EPB41L4A: variants seen among roughly 807,000 people sequenced by gnomAD.
The protein encoded by EPB41L4A is band 4.1-like protein 4A.
Under a neutral mutation model 108.6 loss-of-function variants are expected in EPB41L4A, and 100 were observed. The observed-to-expected ratio is 0.92, with a 90% CI of 0.78 to 1.09. EPB41L4A has a LOEUF of 1.09. Ranked by LOEUF, EPB41L4A falls within the 50% of genes least tolerant of loss-of-function variation. The pLI, the probability that EPB41L4A is intolerant of heterozygous loss-of-function variation, is 0.00. For synonymous variants in EPB41L4A, 319 were observed against 289.0 expected (o/e 1.10, Z -1.05); for missense variants, 1,030 against 842.7 (o/e 1.22, Z -2.75).
At chr5:112,218,140 A>G (rs575089547) in intron 12 of EPB41L4A, among the ~76,000 whole-genome samples, 219 of 152,332 alleles carry the variant, frequency 1.4e-3, no homozygotes, top group Admixed American at 2.4e-3. Flanking sequence ...AAAACAAGAA[A>G]GGGATTTGTG....
intron 12 of EPB41L4A, among the ~76,000 whole-genome samples, chr5:112,217,033 C>T (rs1334219083): frequency 1.3e-5 from 2 of 151,790 alleles, no homozygotes; most frequent in Non-Finnish European, 2.9e-5. Context: ...CAACCACAGT[C>T]TCCCAGGTTC....
At chr5:112,351,479 T>C (rs948518712) in intron 1 of EPB41L4A, among the ~76,000 whole-genome samples, 8 of 152,072 alleles carry the variant, frequency 5.3e-5, no homozygotes, top group African/African-American at 1.9e-4. Flanking sequence ...AAATAAAAAA[T>C]CTTCCAACAA....
chr5:112,311,706 T>C (rs1755063063), intron 1 of EPB41L4A, among the ~76,000 whole-genome samples: 1 of 152,218 alleles, frequency 6.6e-6, no homozygotes, highest in African/African-American at 2.4e-5. Context: ...AGTGAGACTC[T>C]GTCTCTTTGA....
At chr5:112,216,473 G>A (rs1747652316) in intron 12 of EPB41L4A, among the ~76,000 whole-genome samples, 1 of 152,084 alleles carries the variant, frequency 6.6e-6, no homozygotes, top group Non-Finnish European at 1.5e-5. Flanking sequence ...CTGATATGTG[G>A]GGAAAATAAC....
chr5:112,230,197 G>A (rs931267181), intron 12 of EPB41L4A, among the ~76,000 whole-genome samples: 1 of 152,082 alleles, frequency 6.6e-6, no homozygotes, highest in Non-Finnish European at 1.5e-5. Context: ...AATATCGTGT[G>A]CAAGTGTCTT....
intron 1 of EPB41L4A, among the ~76,000 whole-genome samples, chr5:112,366,732 G>C (rs940023509): frequency 6.6e-6 from 1 of 152,126 alleles, no homozygotes; most frequent in East Asian, 1.9e-4. Flanking sequence ...AGAGCAGCAT[G>C]GGTTAGGATG....
intron 2 of EPB41L4A, among the ~76,000 whole-genome samples, chr5:112,288,883 A>G (rs1753461549): frequency 6.6e-6 from 1 of 151,360 alleles, no homozygotes; most frequent in Non-Finnish European, 1.5e-5. Context: ...GCTGGAGTGC[A>G]GTGGCGCAAT....
intron 9 of EPB41L4A, 104 bp from the exon 10 acceptor site, chr5:112,240,914 T>C (rs890619476): frequency 2.7e-5 from 17 of 630,330 alleles, no homozygotes; most frequent in Non-Finnish European, 4.4e-5. Context: ...AGCAGAGAGA[T>C]TATTGATAAT....
At chr5:112,391,178 T>G (rs1328207966) in intron 1 of EPB41L4A, among the ~76,000 whole-genome samples, 1 of 152,194 alleles carries the variant, frequency 6.6e-6, no homozygotes, top group Non-Finnish European at 1.5e-5. Flanking sequence ...TCCAAAGGAC[T>G]GCAGCTCCTC....
At chr5:112,395,859 T>A (rs964391557) in intron 1 of EPB41L4A, among the ~76,000 whole-genome samples, 1 of 152,162 alleles carries the variant, frequency 6.6e-6, no homozygotes, top group Non-Finnish European at 1.5e-5. Context: ...TGTCCATCAA[T>A]GATAGACTGG....
chr5:112,184,158 G>A (rs1377958284), intron 17 of EPB41L4A, 23 bp from the exon 18 acceptor site: 1 of 1,613,084 alleles, frequency 6.2e-7, no homozygotes, highest in African/African-American at 1.3e-5. Flanking sequence ...CCATGCATCT[G>A]AAGTTAACAT....
intron 1 of EPB41L4A, among the ~76,000 whole-genome samples, chr5:112,395,224 C>G (rs1481605209): frequency 1.3e-5 from 2 of 152,142 alleles, no homozygotes; most frequent in Non-Finnish European, 2.9e-5. Flanking sequence ...GCAATGGCAA[C>G]AAAAGCCAAA....
intron 1 of EPB41L4A, among the ~76,000 whole-genome samples, chr5:112,314,853 T>C (rs148853715): frequency 1.3e-5 from 2 of 152,224 alleles, no homozygotes; most frequent in East Asian, 1.9e-4. Context: ...CTTCTGACCA[T>C]TTCCAGAAGA....
At chr5:112,207,287 T>G (rs1005031387) in intron 13 of EPB41L4A, among the ~76,000 whole-genome samples, 2 of 152,178 alleles carry the variant, frequency 1.3e-5, no homozygotes, top group African/African-American at 4.8e-5. Context: ...CAAGATAGAT[T>G]AAGAACTTAA....
intron 18 of EPB41L4A, among the ~76,000 whole-genome samples, chr5:112,172,464 A>T (rs1760636060): frequency 6.6e-6 from 1 of 150,700 alleles, no homozygotes; most frequent in Non-Finnish European, 1.5e-5. Context: ...GTAAGCCGAG[A>T]TCACACCACT....
rs201181516 is a variant in EPB41L4A, at chr5:112,204,532, T to C, written c.1263-44A>G. On this transcript the variant is annotated intron_variant, in intron 14 of 22. Coordinates refer to ENST00000261486, the MANE Select transcript of EPB41L4A (RefSeq NM_022140.5). The stretch of plus-strand genomic sequence containing the variant: ...GGTCAAAAAGAGCCCAGAGAGTTCC[T>C]GGGGGAAAACACACCGCAGCCCAGA... 1.7e-3 allele frequency: 2,261 copies of C among 1,357,224 alleles called. 13 individuals carry two copies. The highest frequency in any genetic ancestry group is 7.9e-3 in the South Asian group (680 of 85,740). 84.1% of individuals were successfully genotyped at this position (1,357,224 alleles called of 1,614,324 possible).
At chr5:112,195,589 CT>C (rs771820152) in intron 16 of EPB41L4A, 71 bp downstream of exon 16, 1 of 1,335,692 alleles carries the variant, frequency 7.5e-7, no homozygotes, top group Non-Finnish European at 1.1e-6. Context: ...CCGCTCTTTC[CT>C]TAACTCTGAG....
intron 17 of EPB41L4A, among the ~76,000 whole-genome samples, chr5:112,185,928 A>G (rs574432243): frequency 6.6e-6 from 1 of 152,230 alleles, no homozygotes; most frequent in South Asian, 2.1e-4. Flanking sequence ...GAAACCCACA[A>G]GGCTTGCTGG....
At position 112,412,316 on chromosome 5, in the gene EPB41L4A, G is replaced by A. The variant is rs1038914691; in HGVS notation, c.99+6625C>T. On this transcript the variant is annotated intron_variant, in intron 1 of 22. Coordinates refer to ENST00000261486, the MANE Select transcript of EPB41L4A (RefSeq NM_022140.5). Reference sequence around the variant, plus strand: ...GCTGCAGGCCCTTTATGTCTTCAGCGATCATTAAGACAGCCTCCGAAGGAA... The same window carrying A: ...GCTGCAGGCCCTTTATGTCTTCAGCAATCATTAAGACAGCCTCCGAAGGAA... Among the ~76,000 whole-genome samples, 8 of 152,146 alleles carry A rather than the reference G, an allele frequency of 5.3e-5. No individual in the cohort carries two copies. In the South Asian group the frequency reaches 1.0e-3, roughly 20 times the overall value.
Sources: allele counts gnomAD v4.1 joint callset (sites outside exome capture counted in the v4.1 genomes callset), GRCh38; gene constraint gnomAD v4.1.1; transcripts MANE v1.5; gene names NCBI Gene and HGNC (gene_info 2026-07-23, HGNC 2026-07-21).